The following CMTM4 variants were observed in gnomAD, a reference collection of about 807,000 sequenced individuals.
CMTM4 encodes CKLF like MARVEL transmembrane domain containing 4.
A neutral mutation model predicts 19.0 loss-of-function variants in CMTM4; 8 were observed. The ratio of observed to expected loss-of-function variants is 0.42; its 90% CI spans 0.25 to 0.76. CMTM4 has a LOEUF of 0.76. CMTM4 is among the 30% of genes least tolerant of loss of function. The probability of loss-of-function intolerance (pLI) is 0.27; values close to 1 mark genes in which losing one functional copy is unlikely to be tolerated. For synonymous variants in CMTM4, 106 were observed against 121.1 expected (o/e 0.88, Z 0.82); for missense variants, 228 against 290.2 (o/e 0.79, Z 1.56).
In CMTM4 at chr16:66,618,432, T is replaced by C; in HGVS notation, c.*3626A>G. 1 of 985,476 alleles carries C rather than the reference T, an allele frequency of 1.0e-6. No homozygotes were observed. The highest frequency in any genetic ancestry group is 1.2e-6 in the Non-Finnish European group (1 of 829,952). The allele number at this position is 985,476 out of a possible 1,614,324, so 61.0% of individuals were successfully genotyped here. On this transcript the variant is annotated 3_prime_UTR_variant, in exon 4 of 4. Coordinates refer to ENST00000394106, the MANE Select transcript of CMTM4 (RefSeq NM_181521.3). Reference sequence around the variant, plus strand: ...CTAAATTGTTCAGGTGTCTCCATGCTCTATTCATCTCCTAGGTGCTAAGAC... The same window carrying C: ...CTAAATTGTTCAGGTGTCTCCATGCCCTATTCATCTCCTAGGTGCTAAGAC...
intron 1 of CMTM4, among the ~76,000 whole-genome samples, chr16:66,664,638 G>A (rs547368550): frequency 1.3e-5 from 2 of 150,656 alleles, no homozygotes; most frequent in South Asian, 2.1e-4. Flanking sequence ...AATGTAATTC[G>A]TAGACCAAAC....
At chr16:66,650,054 G>A (rs796666389) in intron 1 of CMTM4, among the ~76,000 whole-genome samples, 16 of 152,300 alleles carry the variant, frequency 1.1e-4, no homozygotes, top group African/African-American at 3.1e-4. Flanking sequence ...AGTGCTGCTG[G>A]GATTTGGAAG....
chr16:66,629,401 T>C (rs1432487934), intron 2 of CMTM4, among the ~76,000 whole-genome samples: 2 of 152,208 alleles, frequency 1.3e-5, no homozygotes, highest in Non-Finnish European at 2.9e-5. Flanking sequence ...GCCAATCATA[T>C]CGCTCCCAGT....
At chr16:66,686,036 C>T (rs1002534072) in intron 1 of CMTM4, among the ~76,000 whole-genome samples, 3 of 152,084 alleles carry the variant, frequency 2.0e-5, no homozygotes, top group African/African-American at 2.4e-5. Context: ...GGGTGGATCA[C>T]GAGGTCAAGA....
chr16:66,619,372 C>T lies in CMTM4; in HGVS notation c.*2686G>A, dbSNP rs552646853. On this transcript the variant is annotated 3_prime_UTR_variant, in exon 4 of 4. Coordinates refer to ENST00000394106, the MANE Select transcript of CMTM4 (RefSeq NM_181521.3). ...GTGTCCAGGAAAAAACCCAAATGCA[C>T]ACAGCAACTGCAGTTTCTTCAAGTT... The T allele has an allele frequency of 6.1e-6, 6 of 985,410 alleles. No individual in the cohort carries two copies. Among genetic ancestry groups the T allele is most frequent in the Non-Finnish European group, 7.2e-6 (6 of 829,944 alleles). 61.0% of individuals were successfully genotyped at this position (985,410 alleles called of 1,614,324 possible). A position where few individuals can be genotyped will look rare whatever the true frequency, so the allele number is the denominator to read the frequency against.
chr16:66,638,545 G>A (rs1268620356), intron 1 of CMTM4, among the ~76,000 whole-genome samples: 2 of 152,228 alleles, frequency 1.3e-5, no homozygotes, highest in Non-Finnish European at 2.9e-5. Context: ...CAACAACAAT[G>A]TATTGCATTG....
chr16:66,644,777 G>C (rs774274061), intron 1 of CMTM4, among the ~76,000 whole-genome samples: 71 of 152,318 alleles, frequency 4.7e-4, no homozygotes, highest in Non-Finnish European at 9.6e-4. Context: ...GACCCAGGGC[G>C]GGGGAGGGGA....
intron 1 of CMTM4, among the ~76,000 whole-genome samples, chr16:66,685,253 AT>A (rs2017010315): frequency 6.6e-6 from 1 of 152,122 alleles, no homozygotes. Context: ...AAGTAACTTT[AT>A]TTTCCAAAGG....
At chr16:66,688,630 T>C (rs1239783738) in intron 1 of CMTM4, among the ~76,000 whole-genome samples, 1 of 152,096 alleles carries the variant, frequency 6.6e-6, no homozygotes, top group Non-Finnish European at 1.5e-5. Flanking sequence ...TCACTAGCCC[T>C]TTGCCTGGCT....
At position 66,623,268 on chromosome 16, in the gene CMTM4, AC is replaced by A. The variant is rs781751902; in HGVS notation, c.462+135del. 5 of 604,328 alleles carry A rather than the reference AC, an allele frequency of 8.3e-6. No homozygotes were observed. The Admixed American group carries it at 1.3e-4, about 15-fold the overall frequency. The allele number at this position is 604,328 out of a possible 1,614,324, so 37.4% of individuals were successfully genotyped here. A position where few individuals can be genotyped will look rare whatever the true frequency, so the allele number is the denominator to read the frequency against. Reference sequence around the variant, plus strand: ...GAACCACAGCACTGAAGGGACTGGGACCCCCACTGGCCCAGTAACATCATCT... The same window carrying A: ...GAACCACAGCACTGAAGGGACTGGGACCCCACTGGCCCAGTAACATCATCT... On this transcript the variant is annotated intron_variant, in intron 3 of 3. Coordinates refer to ENST00000394106, the MANE Select transcript of CMTM4 (RefSeq NM_181521.3).
At chr16:66,682,814 T>C (rs1166694944) in intron 1 of CMTM4, among the ~76,000 whole-genome samples, 2 of 152,152 alleles carry the variant, frequency 1.3e-5, no homozygotes, top group Non-Finnish European at 2.9e-5. Flanking sequence ...TCTTGAAAGA[T>C]ACTTGCTTGA....
chr16:66,608,400 A>G, the CMTM4 span: 10 of 1,614,032 alleles, frequency 6.2e-6, no homozygotes, highest in East Asian at 4.5e-5. The surrounding 1 kb of genome is among the most constrained non-coding windows in gnomAD (Gnocchi z 5.1). Flanking sequence ...CTGGCCTTGT[A>G]CTTCCTCTTT....
chr16:66,617,852 C>A lies in CMTM4; in HGVS notation c.*4206G>T. The A allele has an allele frequency of 3.0e-6, 3 of 990,274 alleles. No individual in the cohort carries two copies. Among genetic ancestry groups the A allele is most frequent in the Non-Finnish European group, 3.6e-6 (3 of 833,084 alleles). 61.3% of individuals were successfully genotyped at this position (990,274 alleles called of 1,614,324 possible). A position where few individuals can be genotyped will look rare whatever the true frequency, so the allele number is the denominator to read the frequency against. On this transcript the variant is annotated 3_prime_UTR_variant, in exon 4 of 4. Coordinates refer to ENST00000394106, the MANE Select transcript of CMTM4 (RefSeq NM_181521.3). ...ACCCACAGGACGGGAAAGACCTGTC[C>A]CCAGCATCCCACTCTTGCCCTCAAG...
intron 1 of CMTM4, among the ~76,000 whole-genome samples, chr16:66,655,518 CGTGT>C (rs72390418): frequency 0.038 from 5,587 of 147,726 alleles, 187 homozygotes; most frequent in East Asian, 0.14. Flanking sequence ...AGGACAGAAA[CGTGT>C]GTGTGTGTGT....
intron 1 of CMTM4, among the ~76,000 whole-genome samples, chr16:66,683,110 T>C (rs1365648503): frequency 8.1e-6 from 1 of 123,160 alleles, no homozygotes; most frequent in Non-Finnish European, 1.6e-5. Flanking sequence ...AGAGTCTAGT[T>C]GTGTGTGTGT....
chr16:66,695,173 C>A (rs1164340433), intron 1 of CMTM4, among the ~76,000 whole-genome samples: 1 of 152,002 alleles, frequency 6.6e-6, no homozygotes, highest in African/African-American at 2.4e-5. Context: ...ATGGTGAAAC[C>A]CCATCTCTAC....
intron 1 of CMTM4, among the ~76,000 whole-genome samples, chr16:66,685,259 C>G (rs2017010455): frequency 6.6e-6 from 1 of 152,022 alleles, no homozygotes; most frequent in Admixed American, 6.6e-5. Flanking sequence ...CTTTATTTTC[C>G]AAAGGAATCC....
rs146100221 is a variant in CMTM4, at chr16:66,663,505, G to A, written c.187-26924C>T. Among the ~76,000 whole-genome samples, 892 of 104,742 alleles carry A rather than the reference G, an allele frequency of 8.5e-3. 5 individuals carry two copies. Among genetic ancestry groups the A allele is most frequent in the Non-Finnish European group, 0.015 (736 of 49,768 alleles). The allele number at this position is 104,742 out of a possible 152,430, so 68.7% of individuals were successfully genotyped here. On this transcript the variant is annotated intron_variant, in intron 1 of 3. Transcript: ENST00000394106. The stretch of plus-strand genomic sequence containing the variant: ...CATCCATTTTTATTTTGGATACTAC[G>A]TTCTATGGTTCTAAGATTTTCATTT...
chr16:66,642,512 C>A (rs2016113096), intron 1 of CMTM4, among the ~76,000 whole-genome samples: 1 of 152,006 alleles, frequency 6.6e-6, no homozygotes, highest in Admixed American at 6.6e-5. Context: ...CCAGGAATTC[C>A]AGACCAGCCT....
Sources: allele counts gnomAD v4.1 joint callset (sites outside exome capture counted in the v4.1 genomes callset), GRCh38; gene constraint gnomAD v4.1.1; non-coding constraint Gnocchi (gnomAD v3.1); transcripts MANE v1.5; gene names NCBI Gene and HGNC (gene_info 2026-07-23, HGNC 2026-07-21).